MMP26: variants seen among roughly 807,000 people sequenced by gnomAD.
The protein encoded by MMP26 is matrix metalloproteinase-26.
In MMP26, 33 loss-of-function variants were observed where a neutral mutation model predicts 31.0. The observed-to-expected ratio is 1.06, with a 90% CI of 0.81 to 1.42. MMP26 has a LOEUF of 1.42. Ranked by LOEUF, MMP26 falls within the 40% of genes most tolerant of loss-of-function variation. The pLI is 0.00. For missense variants in MMP26, 347 were observed against 316.1 expected, an observed-to-expected ratio of 1.10 and a Z score of -0.74; for synonymous variants, 122 against 114.9, an observed-to-expected ratio of 1.06 and a Z score of -0.40.
At chr11:4,718,076 G>A (rs1277569957) in intron 1 of MMP26, among the ~76,000 whole-genome samples, 4 of 152,102 alleles carry the variant, frequency 2.6e-5, no homozygotes, top group Non-Finnish European at 5.9e-5. Context: ...CTTGTCCAGG[G>A]TATTATCACA....
chr11:4,956,043 A>G (rs1295673974), intron 2 of MMP26, among the ~76,000 whole-genome samples: 2 of 152,204 alleles, frequency 1.3e-5, no homozygotes, highest in Non-Finnish European at 2.9e-5. Context: ...AAATATGAGT[A>G]AATCCTAGTG....
intron 2 of MMP26, among the ~76,000 whole-genome samples, chr11:4,925,587 A>C (rs1201297814): frequency 6.6e-6 from 1 of 152,122 alleles, no homozygotes; most frequent in African/African-American, 2.4e-5. Flanking sequence ...GGTATGGAGA[A>C]AGTCCCTAGG....
chr11:4,707,382 G>A (rs901742867), intron 1 of MMP26, among the ~76,000 whole-genome samples: 8 of 152,070 alleles, frequency 5.3e-5, no homozygotes, highest in African/African-American at 1.7e-4. Flanking sequence ...AGTTATTTGT[G>A]TTTTTGCTAC....
intron 2 of MMP26, among the ~76,000 whole-genome samples, chr11:4,864,662 C>T (rs1850210088): frequency 6.6e-6 from 1 of 152,062 alleles, no homozygotes; most frequent in Admixed American, 6.6e-5. Flanking sequence ...ATTGTGAATA[C>T]TTCTGTCTGA....
intron 2 of MMP26, among the ~76,000 whole-genome samples, chr11:4,936,415 G>A (rs145962609): frequency 0.019 from 2,845 of 152,204 alleles, 35 homozygotes; most frequent in Middle Eastern, 0.037. Context: ...TGTAGGATTG[G>A]TGGTGATATC....
At chr11:4,738,812 A>G (rs1248908445) in intron 1 of MMP26, among the ~76,000 whole-genome samples, 2 of 152,184 alleles carry the variant, frequency 1.3e-5, no homozygotes, top group East Asian at 3.8e-4. Flanking sequence ...CTTAAGAAAA[A>G]AAAACCTCTA....
rs1030343286 is a variant in MMP26, at chr11:4,776,624, G to A, written c.-145+9283G>A. Among the ~76,000 whole-genome samples the A allele has an allele frequency of 7.2e-5, 11 of 152,092 alleles. No homozygotes were observed. In the South Asian group the frequency reaches 8.3e-4, roughly 11 times the overall value. ...AAAGTGTCAAGGGAGGGGCCTGGTGGGAGGTGATTGAATCATGGGGGCAGA... is the reference window on the plus strand; with the variant it reads ...AAAGTGTCAAGGGAGGGGCCTGGTGAGAGGTGATTGAATCATGGGGGCAGA... On this transcript the variant is annotated intron_variant, in intron 2 of 7. Coordinates refer to ENST00000380390, the MANE Select transcript of MMP26 (RefSeq NM_021801.5).
At chr11:4,769,697 C>G (rs1848687861) in intron 2 of MMP26, 1 of 1,612,856 alleles carries the variant, frequency 6.2e-7, no homozygotes, top group Admixed American at 1.7e-5. Context: ...AACAGTCAAG[C>G]CCAGATCAGT....
chr11:4,914,549 C>T (rs1198500702), intron 2 of MMP26: 1 of 572,164 alleles, frequency 1.7e-6, no homozygotes, highest in East Asian at 2.8e-5. Flanking sequence ...ATTTTACCCC[C>T]CCCTGCCCTG....
chr11:4,731,059 C>T (rs1318514599), intron 1 of MMP26, among the ~76,000 whole-genome samples: 1 of 152,152 alleles, frequency 6.6e-6, no homozygotes, highest in Non-Finnish European at 1.5e-5. Context: ...ATTCTCCTGC[C>T]TCAGCCTCTC....
chr11:4,772,760 C>G (rs1848743052), intron 2 of MMP26, among the ~76,000 whole-genome samples: 1 of 152,232 alleles, frequency 6.6e-6, no homozygotes, highest in South Asian at 2.1e-4. Context: ...AGAAAAGTCT[C>G]ACATTCAAGC....
intron 2 of MMP26, among the ~76,000 whole-genome samples, chr11:4,984,097 C>T (rs12800414): frequency 0.18 from 27,388 of 152,024 alleles, 2,683 homozygotes; most frequent in Non-Finnish European, 0.22. Context: ...CCGGCCCTAT[C>T]GGATTGCATG....
intron 2 of MMP26, chr11:4,923,950 G>A: frequency 6.2e-7 from 1 of 1,614,140 alleles, no homozygotes; most frequent in Non-Finnish European, 8.5e-7. Flanking sequence ...CATGCAGTGG[G>A]TTGCAGACGG....
intron 2 of MMP26, among the ~76,000 whole-genome samples, chr11:4,901,149 C>CCTTT (rs1850794642): frequency 1.2e-5 from 1 of 84,518 alleles, no homozygotes; most frequent in Non-Finnish European, 2.2e-5. Context: ...CCTCTTTGTG[C>CCTTT]TTTTTTTTTT....
chr11:4,789,632 C>G (rs1848995921), intron 2 of MMP26, among the ~76,000 whole-genome samples: 2 of 145,052 alleles, frequency 1.4e-5, no homozygotes, highest in African/African-American at 2.5e-5. Context: ...CCTCTGCCTC[C>G]TGGGTTCAAG....
intron 2 of MMP26, among the ~76,000 whole-genome samples, chr11:4,918,182 A>G (rs758853756): frequency 6.6e-6 from 1 of 152,130 alleles, no homozygotes; most frequent in Non-Finnish European, 1.5e-5. Context: ...TCACGCAGCC[A>G]GTCAGTGCCG....
intron 2 of MMP26, among the ~76,000 whole-genome samples, chr11:4,841,386 C>G (rs1384730490): frequency 1.3e-5 from 2 of 151,998 alleles, no homozygotes; most frequent in Non-Finnish European, 2.9e-5. Flanking sequence ...TCAAATTCCC[C>G]AAAATCAAAT....
intron 2 of MMP26, among the ~76,000 whole-genome samples, chr11:4,767,969 T>C (rs1342938547): frequency 2.0e-5 from 3 of 152,200 alleles, no homozygotes; most frequent in Non-Finnish European, 4.4e-5. Context: ...AACCAAACAT[T>C]TTGTGTCTGT....
At chr11:4,746,831 T>TCACACATACACA (rs1554929540) in intron 1 of MMP26, among the ~76,000 whole-genome samples, 1 of 137,116 alleles carries the variant, frequency 7.3e-6, no homozygotes, top group East Asian at 2.2e-4. Context: ...TAAGTCTCTG[T>TCACACATACACA]CACACACACA....
Sources: gnomAD v4.1 joint callset for allele counts (sites outside exome capture counted in the v4.1 genomes callset) on GRCh38, gnomAD v4.1.1 for gene constraint, MANE v1.5 for transcripts, NCBI Gene and HGNC (gene_info 2026-07-23, HGNC 2026-07-21) for gene names.